Variants in MBNL3 observed in about 807,000 individuals in gnomAD.
MBNL3 encodes muscleblind like splicing regulator 3, also known as muscleblind-like protein 3.
In MBNL3, 6 loss-of-function variants were observed where a neutral mutation model predicts 24.5. The observed-to-expected ratio is 0.25, with a 90% CI of 0.13 to 0.48. MBNL3 has a LOEUF of 0.48. Among genes scored for constraint, MBNL3 ranks in the 20% least tolerant of loss-of-function variants. The pLI is 0.99. For synonymous variants in MBNL3, 100 were observed against 101.7 expected, an observed-to-expected ratio of 0.98 and a Z score of 0.10; for missense variants, 230 against 293.5, an observed-to-expected ratio of 0.78 and a Z score of 1.58.
At chrX:132,429,787 T>A (rs1944588787) in intron 2 of MBNL3, 1 of 111,700 alleles carries the variant, frequency 9.0e-6, no homozygotes, top group Admixed American at 9.5e-5. Context: ...TAATTGATGT[T>A]CTCTCCATTT....
Position 132,466,400 on chromosome X carries a change from C to T in MBNL3, c.-704+22451G>A, listed in dbSNP as rs970519350. Among the ~76,000 whole-genome samples, 3 of 112,212 alleles carry T rather than the reference C, an allele frequency of 2.7e-5. No individual in the cohort carries two copies. The Admixed American group carries it at 2.8e-4, about 11-fold the overall frequency. ...ATTTATTGGCCATGACTTCACTATG[C>T]CTCTGCCTCTATTAATTCCCCCACA... On this transcript the variant is annotated intron_variant, in intron 1 of 8. Transcript: ENST00000370853.
At chrX:132,430,142 T>C (rs1944620492) in intron 2 of MBNL3, 1 of 110,666 alleles carries the variant, frequency 9.0e-6, no homozygotes, top group Non-Finnish European at 1.9e-5. Flanking sequence ...TTTTTAAGAA[T>C]AAAAATGAAA....
rs368707058 is a variant in MBNL3 at position 132,382,215 on chromosome X, G to A, written c.1016C>T (p.Thr339Ile). 9.9e-6 allele frequency: 12 copies of A among 1,211,183 alleles called. No homozygotes were observed. Among genetic ancestry groups the A allele is most frequent in the Non-Finnish European group, 1.3e-5 (12 of 895,095 alleles). Residue 339 changes from threonine (T) to isoleucine (I), a missense_variant, in exon 8 of 9, where the codon ACC (threonine) becomes ATC (isoleucine). Thr to Ile is a moderately conservative substitution (Grantham distance 89, BLOSUM62 -1). Coordinates refer to ENST00000370853, the MANE Select transcript of MBNL3 (RefSeq NM_001386889.1). The stretch of plus-strand genomic sequence containing the variant: ...AGTTGGTGCAGCGAACGGAACGCTG[G>A]TGGCAGGTGTTGTTGCTGCAGACAC... ...TTVSAATTPATSVPFAAPTTG... is the reference protein window; with the variant it reads ...TTVSAATTPAISVPFAAPTTG...
chrX:132,405,010 G>A (rs981010534), intron 3 of MBNL3, among the ~76,000 whole-genome samples: 13 of 111,577 alleles, frequency 1.2e-4, no homozygotes, highest in African/African-American at 4.2e-4. Flanking sequence ...AGCAGAAAAG[G>A]GACAGTTTTC....
At chrX:132,396,606 ATATATATTCATATATATATT>A (rs1938859029) in intron 3 of MBNL3, among the ~76,000 whole-genome samples, 2 of 41,337 alleles carry the variant, frequency 4.8e-5, no homozygotes, top group Admixed American at 8.2e-4. Context: ...ATATATTCCT[ATATATATTCATATATATATT>A]CATATATATT....
At chrX:132,395,976 T>C (rs930691461) in intron 3 of MBNL3, among the ~76,000 whole-genome samples, 2 of 110,941 alleles carry the variant, frequency 1.8e-5, no homozygotes, top group African/African-American at 6.5e-5. Context: ...CCTGTGTTTT[T>C]GTATGGCCAG....
At chrX:132,394,752 T>C (rs1937729145) in intron 3 of MBNL3, among the ~76,000 whole-genome samples, 3 of 112,568 alleles carry the variant, frequency 2.7e-5, no homozygotes, top group African/African-American at 9.7e-5. Context: ...GGTAGCTTTT[T>C]ACTTCTGTAA....
At chrX:132,448,266 C>T (rs1261396077) in intron 1 of MBNL3, among the ~76,000 whole-genome samples, 2 of 111,838 alleles carry the variant, frequency 1.8e-5, no homozygotes, top group Non-Finnish European at 3.8e-5. Flanking sequence ...GTGAATTCAT[C>T]TGGTCCTGGG....
chrX:132,416,637 T>C (rs1193404380), intron 2 of MBNL3, among the ~76,000 whole-genome samples: 1 of 111,971 alleles, frequency 8.9e-6, no homozygotes, highest in African/African-American at 3.2e-5. Context: ...GTGATAGATA[T>C]CCCAATTACC....
chrX:132,427,362 C>T (rs1037574181), intron 2 of MBNL3, among the ~76,000 whole-genome samples: 2 of 110,896 alleles, frequency 1.8e-5, no homozygotes, highest in South Asian at 7.6e-4. Flanking sequence ...ATATAGAACA[C>T]TTTTTTTGGT....
chrX:132,462,128 C>G (rs979009619), intron 1 of MBNL3, among the ~76,000 whole-genome samples: 5 of 111,818 alleles, frequency 4.5e-5, no homozygotes, highest in Non-Finnish European at 5.6e-5. Context: ...CACAAGAGCT[C>G]AGTTCTGATA....
At chrX:132,422,282 G>C (rs746016964) in intron 2 of MBNL3, among the ~76,000 whole-genome samples, 10 of 111,220 alleles carry the variant, frequency 9.0e-5, no homozygotes, top group African/African-American at 2.9e-4. Flanking sequence ...CTTTCAAAGG[G>C]TTATAATAGT....
intron 1 of MBNL3, among the ~76,000 whole-genome samples, chrX:132,449,960 T>A (rs1945978741): frequency 1.0e-5 from 1 of 98,721 alleles, no homozygotes; most frequent in Non-Finnish European, 2.0e-5. Flanking sequence ...TTATTTTCTT[T>A]AAGAATGCTG....
At chrX:132,408,509 C>G (rs1165735574) in intron 2 of MBNL3, among the ~76,000 whole-genome samples, 1 of 111,116 alleles carries the variant, frequency 9.0e-6, no homozygotes, top group Non-Finnish European at 1.9e-5. Context: ...TGGAATTTCA[C>G]CATTTGTTAC....
intron 8 of MBNL3, 112 bp downstream of exon 8, chrX:132,382,066 G>A: frequency 1.6e-6 from 1 of 629,228 alleles, no homozygotes; most frequent in East Asian, 3.3e-5. Flanking sequence ...TTCTAAATGT[G>A]ACAATGGCTT....
chrX:132,459,368 A>G (rs1946522651), intron 1 of MBNL3, among the ~76,000 whole-genome samples: 2 of 111,220 alleles, frequency 1.8e-5, no homozygotes, highest in Admixed American at 9.6e-5. Flanking sequence ...CTGTGTATAG[A>G]AAGAAGAGTA....
At chrX:132,386,511 T>A in intron 6 of MBNL3, 150 bp downstream of exon 6, 1 of 563,848 alleles carries the variant, frequency 1.8e-6, no homozygotes, top group Non-Finnish European at 2.6e-6. Flanking sequence ...TAGTTCTAGA[T>A]ACTAGCAGAT....
chrX:132,486,278 C>T (rs983956218), intron 1 of MBNL3, among the ~76,000 whole-genome samples: 1 of 111,975 alleles, frequency 8.9e-6, no homozygotes, highest in African/African-American at 3.3e-5. Context: ...TCGTCCCTCA[C>T]ACATAAAGGC....
In MBNL3 at chrX:132,417,300, T is replaced by C. The variant is rs1048139062; in HGVS notation, c.178-10908A>G. Among the ~76,000 whole-genome samples the C allele has an allele frequency of 2.7e-5, 3 of 111,208 alleles. No homozygotes were observed. In the Admixed American group the frequency reaches 2.9e-4, roughly 11 times the overall value. The stretch of plus-strand genomic sequence containing the variant: ...CCTCCACAAACAATGTAACTAGAAA[T>C]GGGGTTAAAGAAAATAGTGATAAAG... On this transcript the variant is annotated intron_variant, in intron 2 of 8. Transcript: ENST00000370853.
Sources: gnomAD v4.1 joint callset for allele counts (sites outside exome capture counted in the v4.1 genomes callset) on GRCh38, gnomAD v4.1.1 for gene constraint, MANE v1.5 for transcripts, NCBI Gene and HGNC (gene_info 2026-07-23, HGNC 2026-07-21) for gene names.